The following NDUFAF2 variants were observed in gnomAD, a reference collection of about 807,000 sequenced individuals.
NDUFAF2 encodes the protein NADH:ubiquinone oxidoreductase complex assembly factor 2, also known as NADH dehydrogenase [ubiquinone] 1 alpha subcomplex assembly factor 2.
In NDUFAF2, 13 loss-of-function variants were observed where a neutral mutation model predicts 22.8. That is an observed-to-expected ratio of 0.57 (90% CI 0.37 to 0.91). The LOEUF is 0.91. Among genes scored for constraint, NDUFAF2 ranks in the 40% least tolerant of loss-of-function variants. NDUFAF2 has a pLI of 0.01. For synonymous variants in NDUFAF2, 53 were observed against 64.2 expected, an observed-to-expected ratio of 0.83 and a Z score of 0.84; for missense variants, 162 against 195.2, an observed-to-expected ratio of 0.83 and a Z score of 1.01.
At chr5:61,000,441 A>C (rs1453604713) in intron 1 of NDUFAF2, among the ~76,000 whole-genome samples, 2 of 152,120 alleles carry the variant, frequency 1.3e-5, no homozygotes, top group Non-Finnish European at 2.9e-5. Context: ...GTGTTAAGAA[A>C]TGCTTTATTT....
rs1322005159 is a variant in NDUFAF2, at chr5:60,973,717, A to T, written c.127+28335A>T. The stretch of plus-strand genomic sequence containing the variant: ...TGGAGTTGATCTTTCTAGGTGTTAA[A>T]TCACATGCATTCTTAAGTTCTTTAT... On this transcript the variant is annotated intron_variant, in intron 1 of 3. Transcript: ENST00000296597. Among the ~76,000 whole-genome samples the T allele has an allele frequency of 2.6e-5, 4 of 152,304 alleles. No homozygotes were observed. The East Asian group carries it at 7.7e-4, about 29-fold the overall frequency.
chr5:61,048,041 TCTCACAAGTGC>T (rs1199055844), intron 1 of NDUFAF2, among the ~76,000 whole-genome samples: 3 of 152,176 alleles, frequency 2.0e-5, no homozygotes, highest in Admixed American at 2.0e-4. Flanking sequence ...CGCATTTCCC[TCTCACAAGTGC>T]CTTATTGACA....
At chr5:61,104,290 G>T (rs975621553) in intron 3 of NDUFAF2, among the ~76,000 whole-genome samples, 6 of 152,034 alleles carry the variant, frequency 3.9e-5, no homozygotes, top group African/African-American at 1.4e-4. Context: ...TTGAAATATT[G>T]CTTCTTTTTT....
chr5:61,129,849 A>G (rs547329734), intron 3 of NDUFAF2, among the ~76,000 whole-genome samples: 2 of 152,072 alleles, frequency 1.3e-5, no homozygotes, highest in African/African-American at 4.8e-5. Flanking sequence ...TGCTATTATC[A>G]TACACTATGC....
chr5:61,005,541 C>T (rs545867976), intron 1 of NDUFAF2, among the ~76,000 whole-genome samples: 3 of 152,142 alleles, frequency 2.0e-5, no homozygotes, highest in Admixed American at 6.6e-5. Flanking sequence ...TGAACTAGTT[C>T]ACAGTCCCAC....
chr5:61,012,734 T>C (rs2112598583), intron 1 of NDUFAF2, among the ~76,000 whole-genome samples: 1 of 152,170 alleles, frequency 6.6e-6, no homozygotes, highest in South Asian at 2.1e-4. Context: ...TTTTAAACAA[T>C]TTTATTATTT....
At chr5:60,961,759 C>T (rs1254635072) in intron 1 of NDUFAF2, among the ~76,000 whole-genome samples, 1 of 115,454 alleles carries the variant, frequency 8.7e-6, no homozygotes, top group Non-Finnish European at 1.8e-5. Flanking sequence ...GAAGGAGACT[C>T]TGTCTCAAAA....
intron 2 of NDUFAF2, among the ~76,000 whole-genome samples, chr5:61,076,100 C>A (rs1752365897): frequency 6.6e-6 from 1 of 152,028 alleles, no homozygotes; most frequent in Non-Finnish European, 1.5e-5. Flanking sequence ...AAGATGGAGT[C>A]TCGCTCTTTG....
At chr5:61,093,150 C>T (rs540559623) in intron 2 of NDUFAF2, among the ~76,000 whole-genome samples, 14 of 152,278 alleles carry the variant, frequency 9.2e-5, no homozygotes, top group Non-Finnish European at 1.3e-4. Flanking sequence ...CTGCTCATTC[C>T]GCTTTCTTCT....
intron 1 of NDUFAF2, among the ~76,000 whole-genome samples, chr5:61,046,827 T>C (rs918617494): frequency 6.6e-6 from 1 of 152,198 alleles, no homozygotes; most frequent in African/African-American, 2.4e-5. Context: ...CTCTACTGTT[T>C]TGCACTGTAA....
At chr5:60,992,138 A>C (rs183032455) in intron 1 of NDUFAF2, among the ~76,000 whole-genome samples, 71 of 152,148 alleles carry the variant, frequency 4.7e-4, no homozygotes, top group Admixed American at 1.3e-3. Flanking sequence ...TTTTTGATCT[A>C]ATTATTGGAT....
At chr5:61,138,743 T>C (rs2111823089) in intron 3 of NDUFAF2, among the ~76,000 whole-genome samples, 1 of 152,304 alleles carries the variant, frequency 6.6e-6, no homozygotes, top group Non-Finnish European at 1.5e-5. Flanking sequence ...GATACCTGTA[T>C]GCAAAGCCAT....
chr5:61,078,841 G>T (rs1277103145), intron 2 of NDUFAF2, among the ~76,000 whole-genome samples: 3 of 152,184 alleles, frequency 2.0e-5, no homozygotes, highest in African/African-American at 4.8e-5. Context: ...AGTGAACCTT[G>T]TAAGTTTAAT....
chr5:61,051,305 A>G (rs1359059650), intron 1 of NDUFAF2, among the ~76,000 whole-genome samples: 1 of 152,162 alleles, frequency 6.6e-6, no homozygotes, highest in East Asian at 1.9e-4. Flanking sequence ...ATCACAGCAC[A>G]CAGCATTTTC....
chr5:61,105,375 G>T (rs972125864), intron 3 of NDUFAF2, among the ~76,000 whole-genome samples: 1 of 151,172 alleles, frequency 6.6e-6, no homozygotes, highest in Admixed American at 6.6e-5. Context: ...GCCATTTTAT[G>T]TATAGAATCC....
intron 2 of NDUFAF2, among the ~76,000 whole-genome samples, chr5:61,084,391 A>C (rs1752480508): frequency 6.6e-6 from 1 of 151,954 alleles, no homozygotes; most frequent in Non-Finnish European, 1.5e-5. Flanking sequence ...CACTGTTTGC[A>C]ACTATCAGCA....
intron 1 of NDUFAF2, 158 bp downstream of exon 1, chr5:60,945,540 A>G: frequency 1.8e-6 from 2 of 1,130,130 alleles, no homozygotes; most frequent in Non-Finnish European, 2.6e-6. Context: ...CGACCCCTTC[A>G]CTCTGGCATC....
intron 1 of NDUFAF2, among the ~76,000 whole-genome samples, chr5:61,040,302 G>GCGCTCGC (rs1491236283): frequency 6.8e-6 from 1 of 146,368 alleles, no homozygotes. Flanking sequence ...GCGCGCGCGC[G>GCGCTCGC]AAAGTTGAAA....
At chr5:60,990,021 G>A (rs1751137657) in intron 1 of NDUFAF2, among the ~76,000 whole-genome samples, 1 of 152,076 alleles carries the variant, frequency 6.6e-6, no homozygotes, top group South Asian at 2.1e-4. Flanking sequence ...GGAACTAGAG[G>A]ACATTTATTA....
Sources: gnomAD v4.1 joint callset for allele counts (sites outside exome capture counted in the v4.1 genomes callset) on GRCh38, gnomAD v4.1.1 for gene constraint, MANE v1.5 for transcripts, NCBI Gene and HGNC (gene_info 2026-07-23, HGNC 2026-07-21) for gene names.